Variants in THNSL1 observed in about 807,000 individuals in gnomAD.
THNSL1 encodes the protein threonine synthase like 1.
THNSL1 carries 48 observed loss-of-function variants against 50.4 expected under a neutral mutation model. The ratio of observed to expected loss-of-function variants is 0.95; its 90% CI spans 0.76 to 1.21. The LOEUF (loss-of-function observed/expected upper bound fraction) is 1.21, where lower values mean the gene tolerates loss of function less well. THNSL1 is among the 50% of genes most tolerant of loss of function. The pLI is 0.00. For synonymous variants in THNSL1, 309 were observed against 306.1 expected (o/e 1.01, Z -0.10); for missense variants, 896 against 871.7 (o/e 1.03, Z -0.35).
At chr10:24,966,871 A>C in the THNSL1 span, among the ~76,000 whole-genome samples, 1 of 152,222 alleles carries the variant, frequency 6.6e-6, no homozygotes, top group East Asian at 1.9e-4. Flanking sequence ...TAGATTAAGC[A>C]CTTAGAATAA....
At chr10:24,955,989 G>A in the THNSL1 span, among the ~76,000 whole-genome samples, 2 of 151,874 alleles carry the variant, frequency 1.3e-5, no homozygotes, top group Non-Finnish European at 2.9e-5. Flanking sequence ...TTGACGTAAG[G>A]TGACCAATCA....
chr10:25,014,927 C>T (rs1258669415), upstream of THNSL1, among the ~76,000 whole-genome samples: 4 of 152,190 alleles, frequency 2.6e-5, no homozygotes, highest in Admixed American at 2.6e-4. Context: ...TTATCTGGTA[C>T]ATTTATCTCA....
chr10:24,999,406 G>A, the THNSL1 span: 3 of 1,606,190 alleles, frequency 1.9e-6, no homozygotes, highest in Admixed American at 3.5e-5. Context: ...CCTACTGGGT[G>A]GTAGAGTTTT....
rs1850797497 is a variant in THNSL1, at chr10:25,024,366, C to T, written c.1143C>T (p.Asp381=). Residue 381 remains aspartate (D), a synonymous_variant, in exon 3 of 3, where the codon GAC becomes GAT. Coordinates refer to ENST00000376356, the MANE Select transcript of THNSL1 (RefSeq NM_024838.5). Reference sequence around the variant, plus strand: ...TGATACTTGTAGCTACTTCAGGAGACACAGGGAGTGCAGTCTTAAATGGTT... The same window carrying T: ...TGATACTTGTAGCTACTTCAGGAGATACAGGGAGTGCAGTCTTAAATGGTT... The part of the protein sequence containing the change: ...NYMILVATSG[D]TGSAVLNGFS... 4 of 1,613,984 alleles carry T rather than the reference C, an allele frequency of 2.5e-6. No individual in the cohort carries two copies. In the East Asian group the frequency reaches 8.9e-5, roughly 36 times the overall value.
the THNSL1 span, chr10:24,984,418 C>T: frequency 6.4e-7 from 1 of 1,561,028 alleles, no homozygotes; most frequent in Non-Finnish European, 8.6e-7. Context: ...TGAGTGCTGA[C>T]TTTATTTTTC....
chr10:24,974,256 C>T, the THNSL1 span, among the ~76,000 whole-genome samples: 14 of 151,488 alleles, frequency 9.2e-5, no homozygotes, highest in East Asian at 5.8e-4. Flanking sequence ...TTGTCTAGAA[C>T]GCTTGAATTC....
At chr10:24,960,419 T>C in the THNSL1 span, among the ~76,000 whole-genome samples, 1 of 151,928 alleles carries the variant, frequency 6.6e-6, no homozygotes, top group Non-Finnish European at 1.5e-5. Flanking sequence ...TTTATTATTA[T>C]TATTTTATTT....
chr10:24,993,267 G>A, the THNSL1 span, among the ~76,000 whole-genome samples: 2 of 152,156 alleles, frequency 1.3e-5, no homozygotes, highest in Non-Finnish European at 2.9e-5. Context: ...AATGCATACT[G>A]TTAATAAAAT....
the THNSL1 span, among the ~76,000 whole-genome samples, chr10:24,966,848 G>T: frequency 6.6e-6 from 1 of 152,152 alleles, no homozygotes; most frequent in Non-Finnish European, 1.5e-5. Flanking sequence ...CTATTATGAG[G>T]ACTGAGTTAA....
In THNSL1 at chr10:25,024,747, A is replaced by T. The variant is rs1272959078; in HGVS notation, c.1524A>T (p.Thr508=). The T allele has an allele frequency of 6.2e-7, 1 of 1,614,030 alleles. No homozygotes were observed. Among genetic ancestry groups the T allele is most frequent in the African/African-American group, 1.3e-5 (1 of 74,930 alleles). ...FGSPVDVCIP[T]GNFGNILAAV... Reference sequence around the variant, plus strand: ...GCCCAGTCGATGTCTGTATTCCCACAGGAAACTTTGGTAACATTTTAGCAG... The same window carrying T: ...GCCCAGTCGATGTCTGTATTCCCACTGGAAACTTTGGTAACATTTTAGCAG... The change falls in exon 3 of 3, where the codon ACA becomes ACT. Residue 508 remains threonine, a synonymous_variant. Coordinates refer to ENST00000376356, the MANE Select transcript of THNSL1 (RefSeq NM_024838.5).
At chr10:25,002,879 G>A in the THNSL1 span, among the ~76,000 whole-genome samples, 2 of 151,906 alleles carry the variant, frequency 1.3e-5, no homozygotes, top group African/African-American at 4.8e-5. Context: ...AGTTGGGGCT[G>A]GCAGATATGG....
chr10:24,981,009 C>T, the THNSL1 span, among the ~76,000 whole-genome samples: 679 of 152,324 alleles, frequency 4.5e-3, 3 homozygotes, highest in African/African-American at 0.016. Flanking sequence ...CGTGAGCCAC[C>T]GCACCTGGCC....
chr10:25,016,168 G>T (rs1850567164), upstream of THNSL1: 9 of 1,191,870 alleles, frequency 7.6e-6, no homozygotes, highest in African/African-American at 1.6e-5. Context: ...TGCGGTTGCC[G>T]TGGAAACCGT....
the THNSL1 span, chr10:24,982,036 C>T: frequency 3.9e-5 from 6 of 152,222 alleles, no homozygotes; most frequent in African/African-American, 1.4e-4. Context: ...AGTACCTTCT[C>T]TATACCAGCT....
At chr10:24,967,967 G>A in the THNSL1 span, among the ~76,000 whole-genome samples, 4 of 150,010 alleles carry the variant, frequency 2.7e-5, no homozygotes, top group African/African-American at 9.9e-5. Flanking sequence ...GTGTGTGTAT[G>A]TATGATGTGT....
At chr10:24,966,609 A>G in the THNSL1 span, among the ~76,000 whole-genome samples, 19 of 152,356 alleles carry the variant, frequency 1.2e-4, no homozygotes, top group African/African-American at 4.6e-4. Context: ...CGGATGGAAT[A>G]TGGTACAAGA....
At chr10:24,994,051 G>A in the THNSL1 span, among the ~76,000 whole-genome samples, 1 of 152,196 alleles carries the variant, frequency 6.6e-6, no homozygotes, top group South Asian at 2.1e-4. Context: ...AACTTTATTG[G>A]CTTATCCTGG....
At chr10:24,969,910 C>T in the THNSL1 span, among the ~76,000 whole-genome samples, 3 of 152,142 alleles carry the variant, frequency 2.0e-5, no homozygotes, top group South Asian at 2.1e-4. Context: ...TGATGATACA[C>T]GGAAAAGAAA....
chr10:25,021,784 A>G lies in THNSL1; in HGVS notation c.-173A>G, dbSNP rs1850724339. 6.6e-6 allele frequency: 1 copy of G among 152,154 alleles called. No individual in the cohort carries two copies. The highest frequency in any genetic ancestry group is 6.5e-5 in the Admixed American group (1 of 15,276). The allele number at this position is 152,154 out of a possible 1,614,324, so 9.4% of individuals were successfully genotyped here. ...GATCGGTTTTGCCTCAGAGTCAACA[A>G]ACTCTTCAGATTGGTTCCGGTGTGT... On this transcript the variant is annotated 5_prime_UTR_variant, in exon 2 of 3. Transcript: ENST00000376356.
Sources: allele counts gnomAD v4.1 joint callset (sites outside exome capture counted in the v4.1 genomes callset), GRCh38; gene constraint gnomAD v4.1.1; transcripts MANE v1.5; gene names NCBI Gene and HGNC (gene_info 2026-07-23, HGNC 2026-07-21).